NT5M: variants seen among roughly 807,000 people sequenced by gnomAD.
NT5M encodes 5'(3')-deoxyribonucleotidase, mitochondrial.
In NT5M, 22 loss-of-function variants were observed where a neutral mutation model predicts 22.2. The ratio of observed to expected loss-of-function variants is 0.99; its 90% CI spans 0.71 to 1.41. The LOEUF is 1.41. Ranked by LOEUF, NT5M falls within the 40% of genes most tolerant of loss-of-function variation. The pLI is 0.00. For missense variants in NT5M, 322 were observed against 314.8 expected (o/e 1.02, Z -0.17); for synonymous variants, 167 against 133.0 (o/e 1.26, Z -1.76).
chr17:17,346,630 C>T (rs975147007), intron 4 of NT5M, among the ~76,000 whole-genome samples, 175 bp from the exon 5 acceptor site: 4 of 152,200 alleles, frequency 2.6e-5, no homozygotes, highest in African/African-American at 9.7e-5. Context: ...CTCCTTGCCG[C>T]ATCTCGTGCC....
chr17:17,315,602 G>C (rs1172459605), intron 2 of NT5M, among the ~76,000 whole-genome samples: 3 of 152,188 alleles, frequency 2.0e-5, no homozygotes, highest in South Asian at 4.2e-4. Flanking sequence ...AGGTGCCAAT[G>C]CCTGAGCCGG....
chr17:17,321,215 C>T (rs139589516), intron 2 of NT5M, among the ~76,000 whole-genome samples: 51 of 150,416 alleles, frequency 3.4e-4, no homozygotes, highest in Non-Finnish European at 4.4e-4. Context: ...GGATAGCAAG[C>T]GGGCATTCGG....
intron 2 of NT5M, among the ~76,000 whole-genome samples, chr17:17,320,620 G>A (rs946674502): frequency 6.6e-6 from 1 of 152,192 alleles, no homozygotes; most frequent in Non-Finnish European, 1.5e-5. Flanking sequence ...TGTGTGAGGT[G>A]TGTGAGGCGT....
chr17:17,333,306 CTTTTT>C (rs1055636140), intron 3 of NT5M, among the ~76,000 whole-genome samples: 2 of 151,750 alleles, frequency 1.3e-5, no homozygotes, highest in African/African-American at 4.8e-5. Flanking sequence ...TTTTCTTTTT[CTTTTT>C]TTTCTTTTTT....
chr17:17,324,471 G>A (rs1463677949), intron 3 of NT5M, among the ~76,000 whole-genome samples: 4 of 146,414 alleles, frequency 2.7e-5, no homozygotes, highest in African/African-American at 1.0e-4. Flanking sequence ...GTGACAGAGC[G>A]AGACTGTCCC....
chr17:17,323,742 C>T (rs895124382), intron 3 of NT5M, among the ~76,000 whole-genome samples: 1 of 152,188 alleles, frequency 6.6e-6, no homozygotes, highest in African/African-American at 2.4e-5. Context: ...CCGGCCCTCC[C>T]TGGGGACGTT....
At chr17:17,338,487 C>T (rs1311834580) in intron 3 of NT5M, among the ~76,000 whole-genome samples, 2 of 152,176 alleles carry the variant, frequency 1.3e-5, no homozygotes, top group South Asian at 4.1e-4. Flanking sequence ...GCCACTGCGC[C>T]TGGCCTGGTT....
At chr17:17,329,472 T>C (rs1487009802) in intron 3 of NT5M, among the ~76,000 whole-genome samples, 1 of 152,096 alleles carries the variant, frequency 6.6e-6, no homozygotes, top group African/African-American at 2.4e-5. Context: ...TTTCACCCCC[T>C]AGAGAGATTT....
In NT5M at chr17:17,303,411, C is replaced by G; in HGVS notation, c.-140C>G. On this transcript the variant is annotated 5_prime_UTR_variant, in exon 1 of 5. Coordinates refer to ENST00000389022, the MANE Select transcript of NT5M (RefSeq NM_020201.4). ...TACTTGCGCGCCCGCACCCCGCGCT[C>G]CCCGCCCCGCTCCCCGTCCCGCGCT... is the stretch of plus-strand genomic sequence containing the variant. The G allele has an allele frequency of 1.0e-6, 1 of 968,358 alleles. No individual in the cohort carries two copies. Among genetic ancestry groups the G allele is most frequent in the South Asian group, 4.8e-5 (1 of 20,850 alleles). The allele number at this position is 968,358 out of a possible 1,614,324, so 60.0% of individuals were successfully genotyped here. A position where few individuals can be genotyped will look rare whatever the true frequency, so the allele number is the denominator to read the frequency against.
chr17:17,345,604 TG>T (rs1374885889), intron 4 of NT5M, among the ~76,000 whole-genome samples: 2 of 136,816 alleles, frequency 1.5e-5, no homozygotes, highest in Non-Finnish European at 3.0e-5. Flanking sequence ...GAGACCAGCC[TG>T]GGCAACATGG....
chr17:17,323,136 TG>T (rs1181127004), intron 2 of NT5M, 48 bp from the exon 3 acceptor site: 1 of 1,511,784 alleles, frequency 6.6e-7, no homozygotes, highest in Non-Finnish European at 9.2e-7. Context: ...GGCCTCGGGG[TG>T]GTGAAGTCAT....
In NT5M at chr17:17,303,694, C is replaced by G. The variant is rs1339178881; in HGVS notation, c.144C>G (p.Asp48Glu). 2 of 1,589,270 alleles carry G rather than the reference C, an allele frequency of 1.3e-6. No homozygotes were observed. Among genetic ancestry groups the G allele is most frequent in the Non-Finnish European group, 1.7e-6 (2 of 1,170,330 alleles). The part of the protein sequence containing the change: ...VLVDMDGVLA[D>E]FEGGFLRKFR... ...TGGACATGGACGGCGTGCTGGCTGA[C>G]TTCGAGGGCGGATTCCTCAGGAAGT... Residue 48 changes from aspartate to glutamate, a missense_variant, in exon 1 of 5, where the codon GAC (aspartate) becomes GAG (glutamate). Transcript: ENST00000389022.
At chr17:17,336,152 G>A (rs1020452972) in intron 3 of NT5M, among the ~76,000 whole-genome samples, 2 of 151,348 alleles carry the variant, frequency 1.3e-5, no homozygotes, top group African/African-American at 2.4e-5. Flanking sequence ...GCAGGTGCCC[G>A]CCACCACGCC....
chr17:17,313,965 G>C (rs2048971806), intron 2 of NT5M, among the ~76,000 whole-genome samples: 1 of 152,126 alleles, frequency 6.6e-6, no homozygotes. Flanking sequence ...AGAGCCTCAG[G>C]TTCTGAGGAG....
At chr17:17,314,097 G>A (rs1158876775) in intron 2 of NT5M, among the ~76,000 whole-genome samples, 2 of 150,542 alleles carry the variant, frequency 1.3e-5, no homozygotes, top group Admixed American at 6.6e-5. Context: ...GCAGTGGTGC[G>A]ATCTCGGCTC....
intron 2 of NT5M, among the ~76,000 whole-genome samples, chr17:17,314,325 G>A (rs1257707945): frequency 4.6e-5 from 7 of 151,998 alleles, no homozygotes; most frequent in African/African-American, 7.3e-5. Flanking sequence ...GTGAGCCATC[G>A]TGCCCGGCCG....
At chr17:17,312,385 T>C (rs1159724257) in intron 2 of NT5M, among the ~76,000 whole-genome samples, 1 of 152,172 alleles carries the variant, frequency 6.6e-6, no homozygotes, top group Non-Finnish European at 1.5e-5. Context: ...CTCACACCTG[T>C]AATCCCAGCA....
At chr17:17,325,740 C>A (rs755176558) in intron 3 of NT5M, among the ~76,000 whole-genome samples, 1 of 152,186 alleles carries the variant, frequency 6.6e-6, no homozygotes, top group Admixed American at 6.6e-5. Flanking sequence ...CACTGTGCCC[C>A]CCTCTCTGTG....
At chr17:17,307,751 G>A (rs2048836844) in intron 2 of NT5M, among the ~76,000 whole-genome samples, 1 of 152,198 alleles carries the variant, frequency 6.6e-6, no homozygotes, top group South Asian at 2.1e-4. Flanking sequence ...AGTTACTTGG[G>A]AGGCTGAGGC....
Sources: allele counts gnomAD v4.1 joint callset (sites outside exome capture counted in the v4.1 genomes callset), GRCh38; gene constraint gnomAD v4.1.1; transcripts MANE v1.5; gene names NCBI Gene and HGNC (gene_info 2026-07-23, HGNC 2026-07-21).